NELL1: variants seen among roughly 807,000 people sequenced by gnomAD.
NELL1 encodes the protein neural EGFL like 1.
In NELL1, 76 loss-of-function variants were observed where a neutral mutation model predicts 107.4. That is an observed-to-expected ratio of 0.71 (90% CI 0.59 to 0.86). NELL1 has a LOEUF of 0.86. Ranked by LOEUF, NELL1 falls within the 40% of genes least tolerant of loss-of-function variation. The probability of loss-of-function intolerance (pLI) is 0.00; values close to 1 mark genes in which losing one functional copy is unlikely to be tolerated. For missense variants in NELL1, 1,024 were observed against 1,005.5 expected, an observed-to-expected ratio of 1.02 and a Z score of -0.25; for synonymous variants, 353 against 341.2, an observed-to-expected ratio of 1.03 and a Z score of -0.38.
At chr11:21,558,629 G>T (rs1856777333) in intron 16 of NELL1, among the ~76,000 whole-genome samples, 1 of 151,952 alleles carries the variant, frequency 6.6e-6, no homozygotes, top group Non-Finnish European at 1.5e-5. Context: ...ATGCTATGCT[G>T]GGTTTAAAAT....
At chr11:20,707,274 C>T (rs1189352881) in intron 2 of NELL1, among the ~76,000 whole-genome samples, 1 of 152,066 alleles carries the variant, frequency 6.6e-6, no homozygotes, top group African/African-American at 2.4e-5. Context: ...AATCTTTTTT[C>T]AAGGTTTTTA....
Position 21,294,195 on chromosome 11 carries a change from A to G in NELL1, c.1549+64741A>G, listed in dbSNP as rs538799410. ...TATCAGCCTTGACTGTTTCCCTCCT[A>G]CATCTTTAGCTTCACTACCTGCCAC... On this transcript the variant is annotated intron_variant, in intron 14 of 19. Transcript: ENST00000357134. Among the ~76,000 whole-genome samples the G allele has an allele frequency of 2.0e-5, 3 of 152,176 alleles. No individual in the cohort carries two copies. The South Asian group carries it at 6.2e-4, about 32-fold the overall frequency.
intron 15 of NELL1, among the ~76,000 whole-genome samples, chr11:21,392,859 GTATT>G (rs1488726162): frequency 1.3e-5 from 2 of 151,694 alleles, no homozygotes; most frequent in East Asian, 2.0e-4. Context: ...TGGAAGTAGA[GTATT>G]TATCTAATTT....
intron 12 of NELL1, among the ~76,000 whole-genome samples, chr11:21,090,373 G>A (rs1276161764): frequency 6.6e-6 from 1 of 152,070 alleles, no homozygotes; most frequent in Non-Finnish European, 1.5e-5. Context: ...AAAAGGCATT[G>A]GGGTTCTCCC....
At chr11:21,172,438 G>A (rs73454583) in intron 13 of NELL1, among the ~76,000 whole-genome samples, 3,639 of 151,826 alleles carry the variant, frequency 0.024, 248 homozygotes, top group African/African-American at 0.084. Context: ...CTGAATTTCC[G>A]TTGATAGCAT....
rs1443891902 is a variant in NELL1 at position 20,783,685 on chromosome 11, G to A, written c.190G>A (p.Glu64Lys). The change falls in exon 3 of 20, where the codon GAA (glutamate) becomes AAA (lysine). Residue 64 changes from glutamate to lysine, a missense_variant. Physicochemically the swap from Glu to Lys is moderately conservative, Grantham distance 56. Transcript: ENST00000357134. ...ASKAFLFQDI[E>K]REIHAAPHVS... ...CTTTTCTTCTTGATTCCTAGACATAGAAAGAGAGATCCATGCAGCTCCTCA... is the reference window on the plus strand; with the variant it reads ...CTTTTCTTCTTGATTCCTAGACATAAAAAGAGAGATCCATGCAGCTCCTCA... 6.2e-7 allele frequency: 1 copy of A among 1,612,130 alleles called. No individual in the cohort carries two copies. Among genetic ancestry groups the A allele is most frequent in the South Asian group, 1.1e-5 (1 of 90,750 alleles).
At chr11:21,064,429 C>T (rs1425776055) in intron 12 of NELL1, among the ~76,000 whole-genome samples, 2 of 152,112 alleles carry the variant, frequency 1.3e-5, no homozygotes, top group East Asian at 1.9e-4. Flanking sequence ...GGGTGACAGT[C>T]GGTCAGGTTT....
chr11:20,787,937 T>C (rs1370555439), intron 3 of NELL1, among the ~76,000 whole-genome samples: 1 of 152,218 alleles, frequency 6.6e-6, no homozygotes, highest in Non-Finnish European at 1.5e-5. Flanking sequence ...TTTGGTTATT[T>C]CATATAAGTG....
chr11:21,031,067 A>G (rs1852943857), intron 12 of NELL1, among the ~76,000 whole-genome samples: 1 of 152,154 alleles, frequency 6.6e-6, no homozygotes, highest in Non-Finnish European at 1.5e-5. Flanking sequence ...TAAAAAGGGT[A>G]TTATACTTTC....
chr11:20,992,955 C>T (rs570608966), intron 12 of NELL1, among the ~76,000 whole-genome samples: 17 of 151,842 alleles, frequency 1.1e-4, no homozygotes, highest in Non-Finnish European at 2.2e-4. Flanking sequence ...CCTCGTGATC[C>T]GCCCGCCTTG....
At chr11:20,755,538 TTGTTTTTTTTTGTTTTTGTTTTTG>T (rs1363203314) in intron 2 of NELL1, among the ~76,000 whole-genome samples, 4 of 40,424 alleles carry the variant, frequency 9.9e-5, no homozygotes, top group African/African-American at 3.1e-4. Context: ...GTGTGGGTTT[TTGTTTTTTTTTGTTTTTGTTTTTG>T]TTTTTTTTTT....
chr11:21,347,476 C>A (rs1850709981), intron 14 of NELL1, among the ~76,000 whole-genome samples: 1 of 151,978 alleles, frequency 6.6e-6, no homozygotes, highest in African/African-American at 2.4e-5. Context: ...GTGGTGCATG[C>A]CTGTAATCCC....
intron 13 of NELL1, among the ~76,000 whole-genome samples, chr11:21,164,898 T>C (rs2133804871): frequency 6.6e-6 from 1 of 152,348 alleles, no homozygotes; most frequent in Non-Finnish European, 1.5e-5. Context: ...TTTTAATAAA[T>C]ATTCTTCACC....
At chr11:20,959,316 C>CTACTGGGT (rs1851241961) in intron 11 of NELL1, among the ~76,000 whole-genome samples, 1 of 152,158 alleles carries the variant, frequency 6.6e-6, no homozygotes, top group Non-Finnish European at 1.5e-5. Context: ...AGCATTCCCA[C>CTACTGGGT]TACTGGGTAT....
chr11:20,975,213 A>G (rs956333697), intron 12 of NELL1, among the ~76,000 whole-genome samples: 10 of 151,676 alleles, frequency 6.6e-5, no homozygotes, highest in African/African-American at 2.4e-4. Context: ...ATGGGGTTTC[A>G]CCATGTTGGT....
chr11:20,982,267 A>C (rs1851765359), intron 12 of NELL1, among the ~76,000 whole-genome samples: 1 of 152,196 alleles, frequency 6.6e-6, no homozygotes, highest in Admixed American at 6.5e-5. Context: ...AGAGTAGGGT[A>C]GAGATGCCTG....
chr11:20,705,281 T>A (rs544230936), intron 2 of NELL1, among the ~76,000 whole-genome samples: 1,561 of 152,240 alleles, frequency 0.01, 17 homozygotes, highest in Non-Finnish European at 0.017. Flanking sequence ...AAGGCTACAG[T>A]AACCAAAACA....
chr11:20,958,249 C>A (rs1209236132), intron 11 of NELL1, among the ~76,000 whole-genome samples: 1 of 151,864 alleles, frequency 6.6e-6, no homozygotes. Flanking sequence ...GAGACTTCAT[C>A]TCTCCAAAAA....
intron 14 of NELL1, among the ~76,000 whole-genome samples, chr11:21,308,842 A>T (rs1432859778): frequency 2.6e-5 from 4 of 152,108 alleles, no homozygotes; most frequent in Non-Finnish European, 2.9e-5. Flanking sequence ...CACATACAGT[A>T]TGTCAAACAT....
Sources: gnomAD v4.1 joint callset for allele counts (sites outside exome capture counted in the v4.1 genomes callset) on GRCh38, gnomAD v4.1.1 for gene constraint, MANE v1.5 for transcripts, NCBI Gene and HGNC (gene_info 2026-07-23, HGNC 2026-07-21) for gene names.